STAT2: variants seen among roughly 807,000 people sequenced by gnomAD.
STAT2 encodes interferon alpha induced transcriptional activator.
Under a neutral mutation model 122.3 loss-of-function variants are expected in STAT2, and 51 were observed. That is an observed-to-expected ratio of 0.42 (90% CI 0.33 to 0.53). The LOEUF is 0.53. Among genes scored for constraint, STAT2 ranks in the 20% least tolerant of loss-of-function variants. STAT2 has a pLI of 0.10. For synonymous variants in STAT2, 351 were observed against 394.9 expected (o/e 0.89, Z 1.32); for missense variants, 736 against 1,010.3 (o/e 0.73, Z 3.68).
At position 56,354,793 on chromosome 12, in the gene STAT2, C is replaced by A. The variant is rs1226423031; in HGVS notation, c.618G>T (p.Leu206=). The A allele has an allele frequency of 3.7e-6, 6 of 1,614,126 alleles. No individual in the cohort carries two copies. The South Asian group carries it at 5.5e-5, about 15-fold the overall frequency. ...QKILQETLNE[L]DKRRKEVLDA... is the part of the protein sequence containing the mutation. ...TGTCTCCCACCTTTCTCCTTTTGTCCAGTTCATTGAGAGTTTCCTGCAGAA... is the reference window on the plus strand; with the variant it reads ...TGTCTCCCACCTTTCTCCTTTTGTCAAGTTCATTGAGAGTTTCCTGCAGAA... The change falls in exon 7 of 24, where the codon CTG becomes CTT. Residue 206 remains leucine (L), a synonymous_variant. Transcript: ENST00000314128.
intron 8 of STAT2, among the ~76,000 whole-genome samples, chr12:56,352,861 C>A (rs1238489376): frequency 6.6e-6 from 1 of 152,062 alleles, no homozygotes; most frequent in Non-Finnish European, 1.5e-5. Flanking sequence ...GTTCTGTTGT[C>A]CAGGCTGGAC....
chr12:56,342,326 G>T lies in STAT2; in HGVS notation c.*1063C>A. 1 of 151,436 alleles carries T rather than the reference G, an allele frequency of 6.6e-6. No individual in the cohort carries two copies. The highest frequency in any genetic ancestry group is 1.5e-5 in the Non-Finnish European group (1 of 68,284). 9.4% of individuals were successfully genotyped at this position (151,436 alleles called of 1,614,324 possible). ...AAAAAAAAAAAAAAATCCTGGCCAAGCACAGTGGCTCATGCCTATAATCCC... is the reference window on the plus strand; with the variant it reads ...AAAAAAAAAAAAAAATCCTGGCCAATCACAGTGGCTCATGCCTATAATCCC... On this transcript the variant is annotated 3_prime_UTR_variant, in exon 24 of 24. Coordinates refer to ENST00000314128, the MANE Select transcript of STAT2 (RefSeq NM_005419.4).
At chr12:56,357,145 T>C (rs1348666294) in intron 1 of STAT2, among the ~76,000 whole-genome samples, 1 of 151,586 alleles carries the variant, frequency 6.6e-6, no homozygotes, top group East Asian at 1.9e-4. Context: ...CAAGTGATTC[T>C]TCTGCCTCAG....
At chr12:56,354,905 C>T (rs904733482) in intron 6 of STAT2, 42 bp from the exon 7 acceptor site, 1 of 1,589,124 alleles carries the variant, frequency 6.3e-7, no homozygotes, top group Admixed American at 1.7e-5. Flanking sequence ...GTTCTTTCCT[C>T]TCCTTCCTGA....
Position 56,354,540 on chromosome 12 carries a change from C to T in STAT2, c.708G>A (p.Glu236=), listed in dbSNP as rs757397583. The change falls in exon 8 of 24, where the codon GAG becomes GAA. Residue 236 remains glutamate (E), a synonymous_variant. Transcript: ENST00000314128. ...CTTTTTGCTGCTGGGCCTTCCACTC[C>T]TCCAACTTTGGCAGCAGTAGCTCGA... The part of the protein sequence containing the change: ...TLIELLLPKL[E]EWKAQQQKAC... 1.9e-6 allele frequency: 3 copies of T among 1,614,226 alleles called. No homozygotes were observed. In the South Asian group the frequency reaches 3.3e-5, roughly 18 times the overall value.
intron 19 of STAT2, among the ~76,000 whole-genome samples, 190 bp downstream of exon 19, chr12:56,348,339 G>A (rs1324176148): frequency 2.6e-5 from 4 of 151,744 alleles, no homozygotes; most frequent in Non-Finnish European, 4.4e-5. Context: ...CGCCCGCCTC[G>A]GCCTCCCAAA....
At position 56,348,611 on chromosome 12, in the gene STAT2, G is replaced by A. The variant is rs769498084; in HGVS notation, c.1642C>T (p.Pro548Ser). The A allele has an allele frequency of 9.3e-6, 15 of 1,614,064 alleles. No homozygotes were observed. The African/African-American group carries it at 2.0e-4, about 22-fold the overall frequency. ...CATGTCCAGAATGGTAACTTGCCAG[G>A]AGGGCTCTCTCGCTGGAGGAGGAAT... is the stretch of plus-strand genomic sequence containing the variant. ...WADFTKRESP[P>S]GKLPFWTWLD... is the part of the protein sequence containing the mutation. Residue 548 changes from proline to serine, a missense_variant, in exon 19 of 24, where the codon CCT becomes TCT. Pro to Ser is a moderately conservative substitution (Grantham distance 74). Coordinates refer to ENST00000314128, the MANE Select transcript of STAT2 (RefSeq NM_005419.4).
intron 1 of STAT2, among the ~76,000 whole-genome samples, chr12:56,357,087 A>G (rs1182230785): frequency 8.0e-6 from 1 of 125,506 alleles, no homozygotes; most frequent in Non-Finnish European, 1.6e-5. Context: ...CCTGGGCCGG[A>G]GTGAAGTGGC....
intron 8 of STAT2, chr12:56,352,371 T>TTGTGGGG (rs1565655623): frequency 3.5e-5 from 1 of 28,510 alleles, no homozygotes; most frequent in Non-Finnish European, 6.8e-5. Flanking sequence ...TTTTTTTTTT[T>TTGTGGGG]GGTGGGGGTG....
At chr12:56,355,234 G>A in intron 6 of STAT2, 42 bp downstream of exon 6, 1 of 1,610,698 alleles carries the variant, frequency 6.2e-7, no homozygotes, top group Non-Finnish European at 8.5e-7. Context: ...CGGCTTCTCA[G>A]CAGGCACTTA....
intron 23 of STAT2, 41 bp from the exon 24 acceptor site, chr12:56,343,572 T>A: frequency 1.2e-6 from 2 of 1,600,062 alleles, no homozygotes. Flanking sequence ...CGATCTTAGT[T>A]AGGAGTTCCC....
In STAT2 at chr12:56,356,301, A is replaced by G. The variant is rs776386771; in HGVS notation, c.132-16T>C. 6.2e-7 allele frequency: 1 copy of G among 1,610,192 alleles called. No homozygotes were observed. The highest frequency in any genetic ancestry group is 8.5e-7 in the Non-Finnish European group (1 of 1,179,740). On this transcript the variant is annotated splice_polypyrimidine_tract_variant and intron_variant, in intron 2 of 23. Transcript: ENST00000314128. ...AGCTTCCTGCCTGGGCACCAGGAATAAGAAGTATTAGTGTCTCTGCAGTGT... is the reference window on the plus strand; with the variant it reads ...AGCTTCCTGCCTGGGCACCAGGAATGAGAAGTATTAGTGTCTCTGCAGTGT...
chr12:56,355,108 C>T, intron 6 of STAT2, 168 bp downstream of exon 6: 1 of 794,332 alleles, frequency 1.3e-6, no homozygotes, highest in Non-Finnish European at 2.0e-6. Flanking sequence ...GCTGCACCTC[C>T]AGCTCAGCCT....
At position 56,351,132 on chromosome 12, in the gene STAT2, G is replaced by C; in HGVS notation, c.1000C>G (p.Leu334Val). The change falls in exon 10 of 24, where the codon CTC becomes GTC. Residue 334 changes from leucine (L) to valine (V), a missense_variant. Transcript: ENST00000314128. ...MPQTPHRPLILKTGSKFTVRT... is the reference protein window; with the variant it reads ...MPQTPHRPLIVKTGSKFTVRT... ...ACGGTGAACTTGCTGCCAGTCTTGA[G>C]GATGAGGGGTCGATGGGGAGTTTGG... 1 of 1,614,160 alleles carries C rather than the reference G, an allele frequency of 6.2e-7. No homozygotes were observed. The highest frequency in any genetic ancestry group is 8.5e-7 in the Non-Finnish European group (1 of 1,180,022).
chr12:56,354,636 T>G (rs1879227749), intron 7 of STAT2, 22 bp from the exon 8 acceptor site: 3 of 1,613,706 alleles, frequency 1.9e-6, no homozygotes, highest in African/African-American at 2.7e-5. Flanking sequence ...ATAATGTGAG[T>G]GTTGAGCATC....
rs1253778855 is a variant in STAT2, at chr12:56,343,026, T to C, written c.*363A>G. 2 of 190,848 alleles carry C rather than the reference T, an allele frequency of 1.0e-5. No homozygotes were observed. The highest frequency in any genetic ancestry group is 4.7e-5 in the African/African-American group (2 of 42,900). 11.8% of individuals were successfully genotyped at this position (190,848 alleles called of 1,614,324 possible). On this transcript the variant is annotated 3_prime_UTR_variant, in exon 24 of 24. Coordinates refer to ENST00000314128, the MANE Select transcript of STAT2 (RefSeq NM_005419.4). ...AATGCCAGTATGCACCAGTTTAGCC[T>C]AACCAACTATTAAAATGTTGAAATC...
chr12:56,353,995 CAAAAAAAAAA>C (rs1187550270), intron 8 of STAT2, among the ~76,000 whole-genome samples: 1 of 12,772 alleles, frequency 7.8e-5, no homozygotes, highest in African/African-American at 3.3e-4. Context: ...GACTCCGTCT[CAAAAAAAAAA>C]AAAAAAAAAA....
At chr12:56,350,936 C>T (rs778266183) in intron 10 of STAT2, 48 bp from the exon 11 acceptor site, 34 of 1,605,032 alleles carry the variant, frequency 2.1e-5, no homozygotes, top group Admixed American at 5.0e-5. Flanking sequence ...CTCAACCTTC[C>T]GGATAGACTA....
rs1368781889 is a variant in STAT2 at position 56,354,030 on chromosome 12, TATATATATATAA to T, written c.782+424_782+435del. Among the ~76,000 whole-genome samples the T allele has an allele frequency of 1.5e-4, 11 of 71,638 alleles. 1 individual carries two copies. Among genetic ancestry groups the T allele is most frequent in the Non-Finnish European group, 2.4e-4 (8 of 32,746 alleles). The allele number at this position is 71,638 out of a possible 152,430, so 47.0% of individuals were successfully genotyped here. ...AAAAAAAAAAAAATATATATATATATATATATATATAAAAAATACTGTTAAGCTTAAAAAAAA... is the reference window on the plus strand; with the variant it reads ...AAAAAAAAAAAAATATATATATATATAAAATACTGTTAAGCTTAAAAAAAA... On this transcript the variant is annotated intron_variant, in intron 8 of 23. Coordinates refer to ENST00000314128, the MANE Select transcript of STAT2 (RefSeq NM_005419.4).
Sources: allele counts gnomAD v4.1 joint callset (sites outside exome capture counted in the v4.1 genomes callset), GRCh38; gene constraint gnomAD v4.1.1; transcripts MANE v1.5; gene names NCBI Gene and HGNC (gene_info 2026-07-23, HGNC 2026-07-21).